The following DAAM2 variants were observed in gnomAD, a reference collection of about 807,000 sequenced individuals.
The protein encoded by DAAM2 is disheveled-associated activator of morphogenesis 2.
A neutral mutation model predicts 120.7 loss-of-function variants in DAAM2; 39 were observed. That is an observed-to-expected ratio of 0.32 (90% confidence interval 0.25 to 0.42). The LOEUF (loss-of-function observed/expected upper bound fraction) is 0.42, where lower values mean the gene tolerates loss of function less well. DAAM2 is among the 10% of genes least tolerant of loss of function. The pLI is 1.00. For synonymous variants in DAAM2, 488 were observed against 524.9 expected (o/e 0.93, Z 0.96); for missense variants, 1,283 against 1,401.7 (o/e 0.92, Z 1.35).
At chr6:39,808,778 G>A (rs1407689375) in intron 1 of DAAM2, among the ~76,000 whole-genome samples, 3 of 152,206 alleles carry the variant, frequency 2.0e-5, no homozygotes, top group Non-Finnish European at 2.9e-5. Flanking sequence ...TCTCAGTTCA[G>A]CAGCAGTGAA....
chr6:39,876,720 T>TGTGTGTGC (rs1267644300), intron 11 of DAAM2, among the ~76,000 whole-genome samples: 22 of 111,828 alleles, frequency 2.0e-4, no homozygotes, highest in Middle Eastern at 8.7e-3. Flanking sequence ...TGTGTGTGTG[T>TGTGTGTGC]GTGTGTGTGC....
In DAAM2 at chr6:39,901,512, G is replaced by A. The variant is rs760274831; in HGVS notation, c.2982+40G>A. ...CAGGCCTGGGACTGAGGGGAGACGG[G>A]TGCTACTTGGGGAGAACACCCCCAA... On this transcript the variant is annotated intron_variant, in intron 24 of 24. Coordinates refer to ENST00000274867, the MANE Select transcript of DAAM2 (RefSeq NM_001201427.2). The surrounding 1 kb of genome is among the most constrained non-coding windows in gnomAD (Gnocchi z 4.5). 8.2e-6 allele frequency: 13 copies of A among 1,579,050 alleles called. No homozygotes were observed. The highest frequency in any genetic ancestry group is 3.4e-5 in the South Asian group (3 of 87,558).
intron 2 of DAAM2, among the ~76,000 whole-genome samples, chr6:39,860,714 A>G (rs1261869686): frequency 6.6e-6 from 1 of 152,146 alleles, no homozygotes; most frequent in Non-Finnish European, 1.5e-5. Flanking sequence ...AAGGGAGTGC[A>G]ATAGAAGTCA....
chr6:39,861,207 A>C (rs759972701), intron 3 of DAAM2, 190 bp downstream of exon 3: 4 of 675,694 alleles, frequency 5.9e-6, no homozygotes, highest in Non-Finnish European at 1.1e-5. Context: ...TCAAAGAAAT[A>C]GGATTCTCTT....
intron 1 of DAAM2, among the ~76,000 whole-genome samples, chr6:39,815,391 C>T (rs1183675518): frequency 6.6e-6 from 1 of 152,196 alleles, no homozygotes; most frequent in African/African-American, 2.4e-5. Flanking sequence ...CTAAGGCTCA[C>T]TCATTGTATG....
In DAAM2 at chr6:39,870,455, G is replaced by A. The variant is rs1476028491; in HGVS notation, c.977+12G>A. The A allele has an allele frequency of 1.3e-6, 2 of 1,528,604 alleles. No homozygotes were observed. Among genetic ancestry groups the A allele is most frequent in the Non-Finnish European group, 1.8e-6 (2 of 1,121,680 alleles). The allele number at this position is 1,528,604 out of a possible 1,614,324, so 94.7% of individuals were successfully genotyped here. On this transcript the variant is annotated intron_variant, in intron 8 of 24. Transcript: ENST00000274867. Reference sequence around the variant, plus strand: ...GCCATCCTGGACAAGTAAGTTCCAAGCACCCGTCTCCATTGCAAACCTGTG... The same window carrying A: ...GCCATCCTGGACAAGTAAGTTCCAAACACCCGTCTCCATTGCAAACCTGTG...
In DAAM2 at chr6:39,893,743, G is replaced by A. The variant is rs73414819; in HGVS notation, c.2341+2021G>A. Among the ~76,000 whole-genome samples, 1,715 of 152,258 alleles carry A rather than the reference G, an allele frequency of 0.011. 174 individuals are homozygous for A. The East Asian group carries it at 0.25, about 22-fold the overall frequency. On this transcript the variant is annotated intron_variant, in intron 19 of 24. Transcript: ENST00000274867. ...TCTAAGAGCTAGATAGGAAAGATAT[G>A]CCTAAAGTTGTGTATTATAGAATCA... is the stretch of plus-strand genomic sequence containing the variant.
At chr6:39,813,982 C>A (rs187500945) in intron 1 of DAAM2, among the ~76,000 whole-genome samples, 1 of 152,178 alleles carries the variant, frequency 6.6e-6, no homozygotes, top group East Asian at 1.9e-4. Context: ...AAACTGAGAA[C>A]TGGGGGAAAG....
At chr6:39,794,828 G>A (rs995789263) in intron 1 of DAAM2, among the ~76,000 whole-genome samples, 1 of 152,196 alleles carries the variant, frequency 6.6e-6, no homozygotes, top group African/African-American at 2.4e-5. Flanking sequence ...AGAGCCAATG[G>A]AAGTAACAAG....
At chr6:39,798,441 A>G (rs150860282) in intron 1 of DAAM2, among the ~76,000 whole-genome samples, 4 of 152,342 alleles carry the variant, frequency 2.6e-5, no homozygotes, top group Non-Finnish European at 4.4e-5. Flanking sequence ...GTCAAAATCT[A>G]AATCCAGTAT....
At chr6:39,875,278 C>T in intron 10 of DAAM2, 52 bp from the exon 11 acceptor site, 1 of 1,585,480 alleles carries the variant, frequency 6.3e-7, no homozygotes, top group African/African-American at 1.3e-5. Flanking sequence ...TAGGGTGGGG[C>T]CCAAGGGGGA....
intron 1 of DAAM2, among the ~76,000 whole-genome samples, chr6:39,794,978 G>A (rs1355329951): frequency 6.6e-6 from 1 of 152,180 alleles, no homozygotes; most frequent in East Asian, 1.9e-4. Context: ...GCAAGAACTG[G>A]GTTTTCAACT....
chr6:39,853,927 C>T (rs1582678116), intron 1 of DAAM2, among the ~76,000 whole-genome samples: 1 of 152,164 alleles, frequency 6.6e-6, no homozygotes, highest in Non-Finnish European at 1.5e-5. Context: ...CCAGGGATTC[C>T]ACCCCTACCT....
At chr6:39,820,708 G>T (rs986133668) in intron 1 of DAAM2, 1 of 152,142 alleles carries the variant, frequency 6.6e-6, no homozygotes, top group Non-Finnish European at 1.5e-5. Flanking sequence ...AATCAGTTTT[G>T]TTCAAATCCT....
intron 16 of DAAM2, chr6:39,887,882 A>C (rs28574707): frequency 2.6e-6 from 1 of 379,466 alleles, no homozygotes; most frequent in Non-Finnish European, 4.9e-6. Flanking sequence ...GCATGATCTC[A>C]GCCCCTAAGC....
intron 14 of DAAM2, among the ~76,000 whole-genome samples, chr6:39,882,907 G>A (rs1167607144): frequency 6.6e-6 from 1 of 152,062 alleles, no homozygotes; most frequent in Non-Finnish European, 1.5e-5. Flanking sequence ...CTCTGGCCTA[G>A]CCTCCCCTTT....
chr6:39,813,330 G>T (rs1475636013), intron 1 of DAAM2, among the ~76,000 whole-genome samples: 1 of 152,172 alleles, frequency 6.6e-6, no homozygotes, highest in Admixed American at 6.5e-5. Flanking sequence ...TCCACTAGGA[G>T]GAAGCATCTC....
intron 3 of DAAM2, among the ~76,000 whole-genome samples, chr6:39,863,491 T>C (rs963233504): frequency 1.3e-5 from 2 of 152,120 alleles, no homozygotes; most frequent in African/African-American, 4.8e-5. Flanking sequence ...CGCTGGCAGC[T>C]GGCAGAGAGG....
chr6:39,806,672 T>C (rs1038952406), intron 1 of DAAM2, among the ~76,000 whole-genome samples: 1 of 152,026 alleles, frequency 6.6e-6, no homozygotes, highest in Non-Finnish European at 1.5e-5. Context: ...CAGTGAGGAA[T>C]TAAAATAAAA....
Sources: gnomAD v4.1 joint callset for allele counts (sites outside exome capture counted in the v4.1 genomes callset) on GRCh38, gnomAD v4.1.1 for gene constraint, Gnocchi (gnomAD v3.1) non-coding constraint, MANE v1.5 for transcripts, NCBI Gene and HGNC (gene_info 2026-07-23, HGNC 2026-07-21) for gene names.